The following OLFM2 variants were observed in gnomAD, a reference collection of about 807,000 sequenced individuals.
The protein encoded by OLFM2 is noelin-2.
Under a neutral mutation model 43.9 loss-of-function variants are expected in OLFM2, and 20 were observed. That is an observed-to-expected ratio of 0.46 (90% CI 0.32 to 0.66). OLFM2 has a LOEUF of 0.66. Among genes scored for constraint, OLFM2 ranks in the 30% least tolerant of loss-of-function variants. The pLI is 0.04. For synonymous variants in OLFM2, 268 were observed against 278.6 expected, an observed-to-expected ratio of 0.96 and a Z score of 0.38; for missense variants, 416 against 643.6, an observed-to-expected ratio of 0.65 and a Z score of 3.83.
intron 1 of OLFM2, among the ~76,000 whole-genome samples, chr19:9,870,992 G>A (rs140322773): frequency 1.3e-5 from 2 of 152,020 alleles, no homozygotes; most frequent in Non-Finnish European, 2.9e-5. Context: ...AGACCAGACC[G>A]GGCCCAGTGG....
intron 1 of OLFM2, among the ~76,000 whole-genome samples, chr19:9,883,498 C>G (rs1233010673): frequency 6.6e-6 from 1 of 152,004 alleles, no homozygotes; most frequent in Non-Finnish European, 1.5e-5. Flanking sequence ...TCAATCCTGG[C>G]TAAGCACTGA....
At position 9,897,479 on chromosome 19, in the gene OLFM2, C is replaced by G. The variant is rs184998061; in HGVS notation, c.64-36685G>C. Among the ~76,000 whole-genome samples, 3 of 152,150 alleles carry G rather than the reference C, an allele frequency of 2.0e-5. No homozygotes were observed. In the East Asian group the frequency reaches 5.8e-4, roughly 29 times the overall value. On this transcript the variant is annotated intron_variant, in intron 1 of 5. Transcript: ENST00000264833. ...CGCCACTGCACTCCAGCCTGGACGA[C>G]AGAATGAGACTCTGTCTCAAAAATA...
Position 9,856,900 on chromosome 19 carries a change from C to G in OLFM2, c.594G>C (p.Leu198=). 1 of 1,608,642 alleles carries G rather than the reference C, an allele frequency of 6.2e-7. No homozygotes were observed. The highest frequency in any genetic ancestry group is 8.5e-7 in the Non-Finnish European group (1 of 1,177,416). The change falls in exon 5 of 6, where the codon CTG becomes CTC. Residue 198 remains leucine, a synonymous_variant. Transcript: ENST00000264833. This position sits in a 1 kb window ranked among gnomAD's most constrained non-coding sequence, Gnocchi z 4.0. Reference sequence around the variant, plus strand: ...CGGTGATGGGGTTACTGACCCCGGTCAGCTTCCCACAGCCTGGGAGGCAGG... The same window carrying G: ...CGGTGATGGGGTTACTGACCCCGGTGAGCTTCCCACAGCCTGGGAGGCAGG... ...ACAQKLGCGK[L]TGVSNPITVR...
At chr19:9,924,103 CAAAAAAAAAAAA>C (rs1047796253) in intron 1 of OLFM2, among the ~76,000 whole-genome samples, 1 of 20,716 alleles carries the variant, frequency 4.8e-5, no homozygotes, top group Non-Finnish European at 1.3e-4. Context: ...CTCGTCTCTA[CAAAAAAAAAAAA>C]AAAAAAAAAA....
chr19:9,912,510 AGGG>A (rs1342150446), intron 1 of OLFM2, among the ~76,000 whole-genome samples: 1 of 152,114 alleles, frequency 6.6e-6, no homozygotes, highest in Non-Finnish European at 1.5e-5. Flanking sequence ...CAGATGGAAC[AGGG>A]GTGGGGCTAC....
intron 1 of OLFM2, among the ~76,000 whole-genome samples, chr19:9,915,144 T>G (rs2046864676): frequency 6.6e-6 from 1 of 152,098 alleles, no homozygotes; most frequent in African/African-American, 2.4e-5. Flanking sequence ...GAGAATCAGG[T>G]AATTTACTGA....
rs574218954 is a variant in OLFM2, at chr19:9,875,029, C to T, written c.64-14235G>A. ...TCCTAAATGAACAAATATTGAATGG[C>T]CATCACTGAGAGCTTTATCTTCCTG... is the stretch of plus-strand genomic sequence containing the variant. On this transcript the variant is annotated intron_variant, in intron 1 of 5. Transcript: ENST00000264833. 1.3e-4 allele frequency among the ~76,000 whole-genome samples: 20 copies of T among 152,306 alleles called. No homozygotes were observed. The South Asian group carries it at 3.9e-3, about 30-fold the overall frequency.
At chr19:9,932,314 A>T (rs2086487263) in intron 1 of OLFM2, among the ~76,000 whole-genome samples, 1 of 151,714 alleles carries the variant, frequency 6.6e-6, no homozygotes, top group Non-Finnish European at 1.5e-5. Context: ...CTAGCTGGGC[A>T]TCAGGTGGCA....
chr19:9,908,393 G>A (rs2046800492), intron 1 of OLFM2, among the ~76,000 whole-genome samples: 1 of 149,434 alleles, frequency 6.7e-6, no homozygotes, highest in East Asian at 2.0e-4. Flanking sequence ...TGCAACCTCT[G>A]CCTCCTGGGT....
At chr19:9,866,497 C>CTTTT (rs35368530) in intron 1 of OLFM2, among the ~76,000 whole-genome samples, 9 of 125,556 alleles carry the variant, frequency 7.2e-5, no homozygotes, top group Non-Finnish European at 9.8e-5. Context: ...AGCCAACCCA[C>CTTTT]TTTTTTTTTT....
At chr19:9,855,906 T>C (rs754415043) in intron 5 of OLFM2, among the ~76,000 whole-genome samples, 5 of 152,072 alleles carry the variant, frequency 3.3e-5, no homozygotes, top group South Asian at 2.1e-4. Context: ...CTGCAGCCCC[T>C]GGGGAGTCAC....
intron 1 of OLFM2, among the ~76,000 whole-genome samples, chr19:9,864,922 C>T (rs1354421637): frequency 6.6e-6 from 1 of 150,702 alleles, no homozygotes; most frequent in East Asian, 2.0e-4. Context: ...TGAGCCACTG[C>T]GCCTGGCGTA....
chr19:9,872,118 G>C (rs1007562292), intron 1 of OLFM2, among the ~76,000 whole-genome samples: 2 of 152,152 alleles, frequency 1.3e-5, no homozygotes, highest in Admixed American at 1.3e-4. Flanking sequence ...GTGACAGGGG[G>C]CCACGTCCCT....
chr19:9,926,551 C>CAAAA (rs2086454556), intron 1 of OLFM2, among the ~76,000 whole-genome samples: 1 of 150,342 alleles, frequency 6.7e-6, no homozygotes, highest in South Asian at 2.1e-4. Context: ...GACTCCATCT[C>CAAAA]AAAAATAAAT....
intron 1 of OLFM2, among the ~76,000 whole-genome samples, chr19:9,877,309 A>G (rs2046498648): frequency 6.6e-6 from 1 of 151,650 alleles, no homozygotes; most frequent in Non-Finnish European, 1.5e-5. Flanking sequence ...TGAGGCGGGC[A>G]GATCACCTGA....
At chr19:9,920,296 T>A (rs2086411830) in intron 1 of OLFM2, among the ~76,000 whole-genome samples, 1 of 151,880 alleles carries the variant, frequency 6.6e-6, no homozygotes, top group African/African-American at 2.4e-5. Context: ...GGGGGAGGCA[T>A]TTTTAAACTT....
At chr19:9,860,449 G>A (rs1310117177) in intron 2 of OLFM2, among the ~76,000 whole-genome samples, 196 bp downstream of exon 2, 3 of 148,850 alleles carry the variant, frequency 2.0e-5, no homozygotes, top group Non-Finnish European at 4.4e-5. Flanking sequence ...TCCAGCCTGG[G>A]TAACAGAGTG....
rs1187597701 is a variant in OLFM2, at chr19:9,857,321, G to T, written c.522C>A (p.Asp174Glu). 6.2e-7 allele frequency: 1 copy of T among 1,614,154 alleles called. No homozygotes were observed. The highest frequency in any genetic ancestry group is 1.1e-5 in the South Asian group (1 of 91,082). Residue 174 changes from aspartate to glutamate, a missense_variant, in exon 4 of 6, where the codon GAC (aspartate) becomes GAA (glutamate). Physicochemically the swap from Asp to Glu is conservative, Grantham distance 45. Coordinates refer to ENST00000264833, the MANE Select transcript of OLFM2 (RefSeq NM_058164.4). The surrounding 1 kb of genome is among the most constrained non-coding windows in gnomAD (Gnocchi z 5.7). ...QEEMGAYGYE[D>E]LQQRVMALEA... ...CCAGGGCCATCACCCGTTGCTGCAG[G>T]TCCTCATACCCGTAGGCACCCATCT...
At chr19:9,904,283 C>A (rs1046642734) in intron 1 of OLFM2, among the ~76,000 whole-genome samples, 1 of 151,676 alleles carries the variant, frequency 6.6e-6, no homozygotes, top group African/African-American at 2.4e-5. Flanking sequence ...CTCCGCCTCC[C>A]AGGTTCAAGC....
Sources: allele counts gnomAD v4.1 joint callset (sites outside exome capture counted in the v4.1 genomes callset), GRCh38; gene constraint gnomAD v4.1.1; non-coding constraint Gnocchi (gnomAD v3.1); transcripts MANE v1.5; gene names NCBI Gene and HGNC (gene_info 2026-07-23, HGNC 2026-07-21).